LAMA2: variants seen among roughly 807,000 people sequenced by gnomAD.
LAMA2 encodes the protein laminin subunit alpha 2.
A neutral mutation model predicts 364.8 loss-of-function variants in LAMA2; 269 were observed. The observed-to-expected ratio is 0.74, with a 90% CI of 0.67 to 0.82. LAMA2 has a LOEUF of 0.82. Ranked by LOEUF, LAMA2 falls within the 40% of genes least tolerant of loss-of-function variation. LAMA2 has a pLI of 0.00. For missense variants in LAMA2, 3,807 were observed against 3,873.2 expected, an observed-to-expected ratio of 0.98 and a Z score of 0.45; for synonymous variants, 1,379 against 1,370.6, an observed-to-expected ratio of 1.01 and a Z score of -0.14.
At chr6:129,444,373 T>A (rs1782262984) in intron 44 of LAMA2, among the ~76,000 whole-genome samples, 1 of 152,122 alleles carries the variant, frequency 6.6e-6, no homozygotes, top group South Asian at 2.1e-4. Context: ...AATGTCAGAA[T>A]AACAATGGAG....
At chr6:129,077,489 A>G (rs1269077531) in intron 3 of LAMA2, among the ~76,000 whole-genome samples, 2 of 152,206 alleles carry the variant, frequency 1.3e-5, no homozygotes, top group African/African-American at 2.4e-5. Flanking sequence ...TAAATAGATA[A>G]CATTCTGATA....
chr6:129,427,263 A>T (rs1239462595), intron 40 of LAMA2, among the ~76,000 whole-genome samples: 1 of 152,198 alleles, frequency 6.6e-6, no homozygotes, highest in East Asian at 1.9e-4. Flanking sequence ...CTTGGGAGAT[A>T]CAGGAAATGC....
chr6:129,155,710 TATCTATTTTTCCTAGC>T (rs1279502337), intron 8 of LAMA2, among the ~76,000 whole-genome samples: 2 of 152,122 alleles, frequency 1.3e-5, no homozygotes, highest in Non-Finnish European at 2.9e-5. Flanking sequence ...GAACCTCAGT[TATCTATTTTTCCTAGC>T]ATCTATTTTT....
chr6:129,081,258 G>T (rs1774036270), intron 3 of LAMA2, among the ~76,000 whole-genome samples: 1 of 151,758 alleles, frequency 6.6e-6, no homozygotes, highest in African/African-American at 2.4e-5. Flanking sequence ...TGGGGTGAGG[G>T]GGGAGGGATA....
chr6:129,144,463 A>G (rs902356548), intron 5 of LAMA2, among the ~76,000 whole-genome samples: 1 of 152,020 alleles, frequency 6.6e-6, no homozygotes, highest in Non-Finnish European at 1.5e-5. Context: ...CTGGAAGTGC[A>G]GGGGCTTTGA....
chr6:129,483,341 T>C (rs779688221), intron 55 of LAMA2, among the ~76,000 whole-genome samples: 7 of 151,946 alleles, frequency 4.6e-5, no homozygotes, highest in Non-Finnish European at 1.0e-4. Flanking sequence ...TTAGCTAGCA[T>C]AGTAAGAAAA....
At chr6:129,213,183 C>T (rs1783206401) in intron 12 of LAMA2, among the ~76,000 whole-genome samples, 1 of 152,142 alleles carries the variant, frequency 6.6e-6, no homozygotes, top group South Asian at 2.1e-4. Flanking sequence ...TAAGGTTCCG[C>T]CATGTCTTTT....
chr6:129,146,861 A>G (rs1778486420), intron 5 of LAMA2, 98 bp from the exon 6 acceptor site: 1 of 821,444 alleles, frequency 1.2e-6, no homozygotes. Flanking sequence ...CAAACTAAGG[A>G]TAAAAGCAGA....
At chr6:129,225,681 G>A (rs978837766) in intron 12 of LAMA2, among the ~76,000 whole-genome samples, 4 of 152,158 alleles carry the variant, frequency 2.6e-5, no homozygotes, top group African/African-American at 9.7e-5. Context: ...TAGTTTGATT[G>A]CACTGTGGTC....
At chr6:129,426,538 T>G (rs1206919912) in intron 40 of LAMA2, among the ~76,000 whole-genome samples, 1 of 151,960 alleles carries the variant, frequency 6.6e-6, no homozygotes, top group Non-Finnish European at 1.5e-5. Context: ...ACTGTAGCAA[T>G]GAGAATTCCT....
intron 12 of LAMA2, among the ~76,000 whole-genome samples, chr6:129,238,089 C>T (rs914594334): frequency 2.0e-5 from 3 of 150,450 alleles, no homozygotes; most frequent in Non-Finnish European, 4.4e-5. Context: ...CACTTAATTG[C>T]TTGAACCTGG....
intron 51 of LAMA2, among the ~76,000 whole-genome samples, chr6:129,468,179 C>T (rs1783639843): frequency 6.6e-6 from 1 of 151,750 alleles, no homozygotes. Context: ...GAATCATTCT[C>T]CTTACTTCTC....
chr6:129,208,547 G>GAAGAGAAAGAAAGA (rs1393441923), intron 12 of LAMA2, among the ~76,000 whole-genome samples: 2 of 116,016 alleles, frequency 1.7e-5, no homozygotes, highest in Admixed American at 1.5e-4. Flanking sequence ...GAAAGAAAAG[G>GAAGAGAAAGAAAGA]AAGAGAAAGA....
In LAMA2 at chr6:129,344,409, C is replaced by T. The variant is rs114261510; in HGVS notation, c.4436+1942C>T. ...AAGACAGGTTTTTAGGCAGGTTACCCCCAAAAATGGTGGTGCTATTAACTG... is the reference window on the plus strand; with the variant it reads ...AAGACAGGTTTTTAGGCAGGTTACCTCCAAAAATGGTGGTGCTATTAACTG... On this transcript the variant is annotated intron_variant, in intron 30 of 64. Coordinates refer to ENST00000421865, the MANE Select transcript of LAMA2 (RefSeq NM_000426.4). Among the ~76,000 whole-genome samples the T allele has an allele frequency of 4.1e-4, 63 of 152,192 alleles. 1 individual carries two copies. The highest frequency in any genetic ancestry group is 1.5e-3 in the African/African-American group (62 of 41,530).
intron 1 of LAMA2, among the ~76,000 whole-genome samples, chr6:128,973,800 C>A (rs1028167002): frequency 6.6e-6 from 1 of 152,076 alleles, no homozygotes; most frequent in African/African-American, 2.4e-5. Context: ...TAGGGTTAAA[C>A]CTGTCACTTT....
At chr6:128,970,864 C>T (rs1035642549) in intron 1 of LAMA2, among the ~76,000 whole-genome samples, 1 of 152,152 alleles carries the variant, frequency 6.6e-6, no homozygotes, top group Non-Finnish European at 1.5e-5. Context: ...ACACAGATAG[C>T]TACATGTGTC....
intron 1 of LAMA2, among the ~76,000 whole-genome samples, chr6:128,991,892 C>T (rs4438974): frequency 0.92 from 139,604 of 152,238 alleles, 64,455 homozygotes; most frequent in East Asian, 0.97. Context: ...ATTCACAGTC[C>T]AGCAATTTTC....
intron 40 of LAMA2, among the ~76,000 whole-genome samples, chr6:129,417,316 A>G (rs1780848000): frequency 6.6e-6 from 1 of 152,042 alleles, no homozygotes; most frequent in Non-Finnish European, 1.5e-5. Context: ...CAGGCAGGTA[A>G]TTCCAGCATC....
chr6:129,345,687 T>A (rs1776506894), intron 30 of LAMA2, among the ~76,000 whole-genome samples: 1 of 152,152 alleles, frequency 6.6e-6, no homozygotes, highest in African/African-American at 2.4e-5. Context: ...AAAACTTGTG[T>A]GTGTAGATAT....
Sources: allele counts gnomAD v4.1 joint callset (sites outside exome capture counted in the v4.1 genomes callset), GRCh38; gene constraint gnomAD v4.1.1; transcripts MANE v1.5; gene names NCBI Gene and HGNC (gene_info 2026-07-23, HGNC 2026-07-21).